SIL1: variants seen among roughly 807,000 people sequenced by gnomAD.
The protein encoded by SIL1 is SIL1 nucleotide exchange factor.
Under a neutral mutation model 49.1 loss-of-function variants are expected in SIL1, and 40 were observed. That is an observed-to-expected ratio of 0.81 (90% CI 0.63 to 1.06). The LOEUF is 1.06. SIL1 is among the 50% of genes least tolerant of loss of function. SIL1 has a pLI of 0.00. For synonymous variants in SIL1, 253 were observed against 250.8 expected, an observed-to-expected ratio of 1.01 and a Z score of -0.08; for missense variants, 500 against 572.6, an observed-to-expected ratio of 0.87 and a Z score of 1.29.
intron 5 of SIL1, among the ~76,000 whole-genome samples, chr5:139,038,594 C>T (rs1313399541): frequency 1.3e-5 from 2 of 152,178 alleles, no homozygotes; most frequent in South Asian, 2.1e-4. Flanking sequence ...TATGCAAAAT[C>T]CCTTTCTCTA....
chr5:139,017,856 G>A (rs540646840), intron 7 of SIL1, among the ~76,000 whole-genome samples: 1 of 152,134 alleles, frequency 6.6e-6, no homozygotes, highest in Non-Finnish European at 1.5e-5. Context: ...ACTGCAGACA[G>A]ACACACACAA....
intron 5 of SIL1, chr5:139,035,706 C>G (rs987439576): frequency 1.1e-4 from 25 of 222,796 alleles, no homozygotes; most frequent in Admixed American, 7.5e-4. Context: ...TGGAGTGCAG[C>G]GGCGTGATCT....
At chr5:139,175,700 CG>C (rs1344762872) in intron 1 of SIL1, among the ~76,000 whole-genome samples, 1 of 152,196 alleles carries the variant, frequency 6.6e-6, no homozygotes, top group African/African-American at 2.4e-5. Flanking sequence ...CGGTGGCTCA[CG>C]CCTGTAATCC....
chr5:139,114,402 C>A lies in SIL1; in HGVS notation c.244+6633G>T, dbSNP rs1397194792. On this transcript the variant is annotated intron_variant, in intron 3 of 9. Transcript: ENST00000394817. ...CCTCATGGAGCCTCCTGGGGCCTTC[C>A]TGTATTCCAGCCCACCATCTTTTTT... is the stretch of plus-strand genomic sequence containing the variant. Among the ~76,000 whole-genome samples, 5 of 152,200 alleles carry A rather than the reference C, an allele frequency of 3.3e-5. No individual in the cohort carries two copies. In the South Asian group the frequency reaches 8.3e-4, roughly 25 times the overall value.
At chr5:139,015,401 T>C (rs1259412714) in intron 7 of SIL1, among the ~76,000 whole-genome samples, 1 of 152,174 alleles carries the variant, frequency 6.6e-6, no homozygotes, top group East Asian at 1.9e-4. Context: ...CATATCAATA[T>C]GAATATATGC....
At chr5:139,020,092 G>C (rs1373131617) in intron 7 of SIL1, among the ~76,000 whole-genome samples, 2 of 152,196 alleles carry the variant, frequency 1.3e-5, no homozygotes, top group Non-Finnish European at 2.9e-5. Context: ...ACCAAGGGAG[G>C]TGGAGTTGCC....
At chr5:138,982,737 C>G (rs1767555810) in intron 7 of SIL1, among the ~76,000 whole-genome samples, 1 of 152,210 alleles carries the variant, frequency 6.6e-6, no homozygotes, top group Non-Finnish European at 1.5e-5. Flanking sequence ...ACAGAACTTC[C>G]CTAGCATAGT....
chr5:139,007,301 CA>C (rs1768142997), intron 7 of SIL1, among the ~76,000 whole-genome samples: 1 of 127,362 alleles, frequency 7.9e-6, no homozygotes, highest in East Asian at 2.1e-4. Flanking sequence ...GATTTTTGTA[CA>C]TTGATTTTGT....
chr5:139,074,468 A>G (rs145033494), intron 3 of SIL1, among the ~76,000 whole-genome samples: 1,802 of 152,372 alleles, frequency 0.012, 35 homozygotes, highest in African/African-American at 0.041. Flanking sequence ...ATTCACAATG[A>G]AATACCTGAC....
rs1303642635 is a variant in SIL1, at chr5:138,996,300, T to A, written c.767+24871A>T. Among the ~76,000 whole-genome samples the A allele has an allele frequency of 2.0e-5, 3 of 152,334 alleles. No individual in the cohort carries two copies. In the East Asian group the frequency reaches 5.8e-4, roughly 29 times the overall value. On this transcript the variant is annotated intron_variant, in intron 7 of 9. Coordinates refer to ENST00000394817, the MANE Select transcript of SIL1 (RefSeq NM_022464.5). The stretch of plus-strand genomic sequence containing the variant: ...ACTAGTGAAGCTGAGCATCTTTTCA[T>A]ATACCTGTTGGCCATGTGTATGTCT...
chr5:139,118,743 G>A (rs187025782), intron 3 of SIL1, among the ~76,000 whole-genome samples: 1 of 152,272 alleles, frequency 6.6e-6, no homozygotes, highest in African/African-American at 2.4e-5. Flanking sequence ...CTGGTTGAAG[G>A]CAAGTGCCAG....
intron 4 of SIL1, among the ~76,000 whole-genome samples, chr5:139,049,577 C>T (rs1490974626): frequency 6.6e-6 from 1 of 152,032 alleles, no homozygotes; most frequent in Non-Finnish European, 1.5e-5. Context: ...TCACTTGAGT[C>T]CAGGAGTTTA....
chr5:139,050,967 G>A lies in SIL1; in HGVS notation c.324C>T (p.Asp108=), dbSNP rs1451332788. The A allele has an allele frequency of 1.9e-6, 3 of 1,614,032 alleles. No individual in the cohort carries two copies. The highest frequency in any genetic ancestry group is 3.3e-5 in the Admixed American group (2 of 60,000). ...TGCCTTTCAAATTATTTCGGAACTTGTCCTCATATTGGAGTTTTGCCTCTC... is the reference window on the plus strand; with the variant it reads ...TGCCTTTCAAATTATTTCGGAACTTATCCTCATATTGGAGTTTTGCCTCTC... ...GEREAKLQYE[D]KFRNNLKGKR... Residue 108 remains aspartate, a synonymous_variant, in exon 4 of 10, where the codon GAC becomes GAT. Coordinates refer to ENST00000394817, the MANE Select transcript of SIL1 (RefSeq NM_022464.5).
intron 1 of SIL1, among the ~76,000 whole-genome samples, chr5:139,158,790 G>C (rs1409292356): frequency 1.3e-5 from 2 of 152,198 alleles, no homozygotes; most frequent in African/African-American, 2.4e-5. Flanking sequence ...TGTATCCGCA[G>C]GTTCTAATTT....
intron 1 of SIL1, among the ~76,000 whole-genome samples, chr5:139,163,400 C>T (rs1468409989): frequency 2.0e-5 from 3 of 151,434 alleles, no homozygotes; most frequent in Non-Finnish European, 4.4e-5. Flanking sequence ...GACAAGGTAT[C>T]GCTCTGTCAC....
intron 7 of SIL1, among the ~76,000 whole-genome samples, chr5:138,979,929 T>TC (rs1337263882): frequency 6.6e-6 from 1 of 152,194 alleles, no homozygotes; most frequent in Non-Finnish European, 1.5e-5. Context: ...CAGGTAGTCA[T>TC]CCTGTCTTTT....
intron 7 of SIL1, among the ~76,000 whole-genome samples, chr5:139,007,444 T>C (rs1291334423): frequency 1.6e-5 from 2 of 123,026 alleles, no homozygotes; most frequent in Non-Finnish European, 1.7e-5. Context: ...TAATTGAATA[T>C]CCTTTATTTC....
chr5:139,166,630 C>T (rs1049822526), intron 1 of SIL1, among the ~76,000 whole-genome samples: 4 of 152,172 alleles, frequency 2.6e-5, no homozygotes, highest in Admixed American at 2.6e-4. Context: ...GCATTACAGC[C>T]TGGGCAAGGA....
At chr5:139,158,547 T>G (rs991129234) in intron 1 of SIL1, among the ~76,000 whole-genome samples, 6 of 152,144 alleles carry the variant, frequency 3.9e-5, no homozygotes, top group African/African-American at 1.4e-4. Flanking sequence ...AGCCCACCCC[T>G]GCTCCCTCCA....
Sources: gnomAD v4.1 joint callset for allele counts (sites outside exome capture counted in the v4.1 genomes callset) on GRCh38, gnomAD v4.1.1 for gene constraint, MANE v1.5 for transcripts, NCBI Gene and HGNC (gene_info 2026-07-23, HGNC 2026-07-21) for gene names.